IGFBP4: variants seen among roughly 807,000 people sequenced by gnomAD.
IGFBP4 encodes the protein insulin-like growth factor-binding protein 4.
A neutral mutation model predicts 25.8 loss-of-function variants in IGFBP4; 9 were observed. That is an observed-to-expected ratio of 0.35 (90% CI 0.21 to 0.61). The LOEUF is 0.61. Ranked by LOEUF, IGFBP4 falls within the 20% of genes least tolerant of loss-of-function variation. The pLI is 0.77. For missense variants in IGFBP4, 315 were observed against 365.3 expected (o/e 0.86, Z 1.12); for synonymous variants, 153 against 153.9 (o/e 0.99, Z 0.05).
intron 1 of IGFBP4, among the ~76,000 whole-genome samples, chr17:40,452,146 G>A (rs2035687086): frequency 6.6e-6 from 1 of 152,186 alleles, no homozygotes; most frequent in Non-Finnish European, 1.5e-5. Flanking sequence ...TTTGGATGGA[G>A]TTTTTCTTGA....
In IGFBP4 at chr17:40,453,636, C is replaced by G. The variant is rs532349194; in HGVS notation, c.508-292C>G. Among the ~76,000 whole-genome samples the G allele has an allele frequency of 2.0e-5, 3 of 152,240 alleles. No homozygotes were observed. Among genetic ancestry groups the G allele is most frequent in the African/African-American group, 7.2e-5 (3 of 41,548 alleles). The stretch of plus-strand genomic sequence containing the variant: ...CTGTCCCTTCTGCATAGAAATCACC[C>G]CCTCCCTGGCTTTCTGCATAGGTTC... On this transcript the variant is annotated intron_variant, in intron 2 of 3. Transcript: ENST00000269593. The surrounding 1 kb of genome is among the most constrained non-coding windows in gnomAD (Gnocchi z 4.0).
intron 1 of IGFBP4, among the ~76,000 whole-genome samples, chr17:40,450,255 C>T (rs1022510285): frequency 7.2e-5 from 11 of 152,216 alleles, no homozygotes; most frequent in African/African-American, 2.4e-4. Context: ...CTATTTCGGC[C>T]TTCCAAAGTG....
rs995391981 is a variant in IGFBP4, at chr17:40,453,675, C to T, written c.508-253C>T. Among the ~76,000 whole-genome samples the T allele has an allele frequency of 3.9e-5, 6 of 152,058 alleles. No homozygotes were observed. Among genetic ancestry groups the T allele is most frequent in the Admixed American group, 3.9e-4 (6 of 15,264 alleles). On this transcript the variant is annotated intron_variant, in intron 2 of 3. Coordinates refer to ENST00000269593, the MANE Select transcript of IGFBP4 (RefSeq NM_001552.3). This position sits in a 1 kb window ranked among gnomAD's most constrained non-coding sequence, Gnocchi z 4.0. ...CTGCATAGGTTCCCACAGCCCCTTT[C>T]CCCACAGTGTCCCCTCACTTCCCAC...
In IGFBP4 at chr17:40,443,783, C is replaced by T. The variant is rs759404034; in HGVS notation, c.48C>T (p.Pro16=). ...LVAALLLAAG[P]GPSLGDEAIH... ...CCGCCCTGCTGCTGGCCGCCGGGCCCGGGCCGAGCCTGGGCGACGAAGCCA... is the reference window on the plus strand; with the variant it reads ...CCGCCCTGCTGCTGGCCGCCGGGCCTGGGCCGAGCCTGGGCGACGAAGCCA... Residue 16 remains proline, a synonymous_variant, in exon 1 of 4, where the codon CCC becomes CCT. Coordinates refer to ENST00000269593, the MANE Select transcript of IGFBP4 (RefSeq NM_001552.3). 29 of 1,514,802 alleles carry T rather than the reference C, an allele frequency of 1.9e-5. No individual in the cohort carries two copies. In the African/African-American group the frequency reaches 2.6e-4, roughly 14 times the overall value. The allele number at this position is 1,514,802 out of a possible 1,614,324, so 93.8% of individuals were successfully genotyped here. A position where few individuals can be genotyped will look rare whatever the true frequency, so the allele number is the denominator to read the frequency against.
intron 3 of IGFBP4, among the ~76,000 whole-genome samples, chr17:40,454,266 A>G (rs1373738165): frequency 6.6e-6 from 1 of 152,212 alleles, no homozygotes; most frequent in Non-Finnish European, 1.5e-5. Context: ...AGAGAGGAGT[A>G]AAAGCGCCGG....
intron 1 of IGFBP4, among the ~76,000 whole-genome samples, chr17:40,450,081 C>T (rs1404356599): frequency 1.3e-5 from 2 of 152,154 alleles, no homozygotes; most frequent in Admixed American, 6.5e-5. Context: ...GATCACTGCT[C>T]ACTGCAGCCT....
intron 3 of IGFBP4, among the ~76,000 whole-genome samples, chr17:40,455,281 A>G (rs2035707802): frequency 6.6e-6 from 1 of 151,920 alleles, no homozygotes; most frequent in Non-Finnish European, 1.5e-5. Flanking sequence ...AGTGGTTTAT[A>G]TTAGGGTTCA....
chr17:40,444,938 G>GAGAC (rs2035635677), intron 1 of IGFBP4, among the ~76,000 whole-genome samples: 3 of 37,072 alleles, frequency 8.1e-5, no homozygotes, highest in African/African-American at 2.1e-4. Context: ...GAGACAGAGA[G>GAGAC]AGAGAGAGAG....
At position 40,456,391 on chromosome 17, in the gene IGFBP4, T is replaced by C. The variant is rs2035714170; in HGVS notation, c.643-58T>C. ...TGGGCTGGGCTGGGATTGGGGTGGG[T>C]CACTTGGGGTCTCTTTTCCTGCGTC... On this transcript the variant is annotated intron_variant, in intron 3 of 3. Coordinates refer to ENST00000269593, the MANE Select transcript of IGFBP4 (RefSeq NM_001552.3). 13 of 1,600,178 alleles carry C rather than the reference T, an allele frequency of 8.1e-6. No individual in the cohort carries two copies. The South Asian group carries it at 1.4e-4, about 18-fold the overall frequency.
At chr17:40,456,337 T>C in intron 3 of IGFBP4, 112 bp from the exon 4 acceptor site, 1 of 1,113,814 alleles carries the variant, frequency 9.0e-7, no homozygotes, top group South Asian at 1.4e-5. Context: ...AGAGGCCATC[T>C]TGAAGCAGCG....
chr17:40,454,198 C>G, intron 3 of IGFBP4, 136 bp downstream of exon 3: 1 of 1,267,718 alleles, frequency 7.9e-7, no homozygotes, highest in Non-Finnish European at 1.1e-6. Flanking sequence ...TGGAGCCTCC[C>G]TAAACCTACC....
At chr17:40,451,880 A>G (rs1237803229) in intron 1 of IGFBP4, among the ~76,000 whole-genome samples, 1 of 152,156 alleles carries the variant, frequency 6.6e-6, no homozygotes, top group East Asian at 1.9e-4. Context: ...TCTGTCACCC[A>G]GGCTGGAGTG....
In IGFBP4 at chr17:40,456,693, C is replaced by A; in HGVS notation, c.*110C>A. 8.7e-7 allele frequency: 1 copy of A among 1,154,094 alleles called. No homozygotes were observed. Among genetic ancestry groups the A allele is most frequent in the Non-Finnish European group, 1.2e-6 (1 of 819,578 alleles). 71.5% of individuals were successfully genotyped at this position (1,154,094 alleles called of 1,614,324 possible). The stretch of plus-strand genomic sequence containing the variant: ...GTCTGAGTCCTGTCTCTGCCTGCGG[C>A]CCAGAAGTTTCCCTCAAATGCGCGT... On this transcript the variant is annotated 3_prime_UTR_variant, in exon 4 of 4. Transcript: ENST00000269593.
intron 1 of IGFBP4, among the ~76,000 whole-genome samples, chr17:40,446,859 G>A (rs977706688): frequency 1.3e-5 from 2 of 152,142 alleles, no homozygotes; most frequent in African/African-American, 2.4e-5. Flanking sequence ...CATCATAGAA[G>A]TAATCCCTTG....
At chr17:40,444,408 C>A (rs1402020670) in intron 1 of IGFBP4, among the ~76,000 whole-genome samples, 1 of 151,372 alleles carries the variant, frequency 6.6e-6, no homozygotes, top group East Asian at 2.0e-4. Context: ...GTTAAGTCAG[C>A]TGTCTAGGGC....
intron 1 of IGFBP4, among the ~76,000 whole-genome samples, chr17:40,448,294 C>T (rs10305290): frequency 0.017 from 2,577 of 152,350 alleles, 40 homozygotes; most frequent in African/African-American, 0.032. Flanking sequence ...CTCTGGCTTT[C>T]GCCACAAACT....
rs2035699621 is a variant in IGFBP4, at chr17:40,453,806, GC to G, written c.508-119del. The G allele has an allele frequency of 3.0e-6, 2 of 665,468 alleles. No homozygotes were observed. The highest frequency in any genetic ancestry group is 4.9e-6 in the Non-Finnish European group (2 of 407,640). The allele number at this position is 665,468 out of a possible 1,614,324, so 41.2% of individuals were successfully genotyped here. ...CTCTCTCTTCACCTCACTGGGTCCT[GC>G]CCAGCCCCTGGGGCTCAGGCCTCCT... On this transcript the variant is annotated intron_variant, in intron 2 of 3. Transcript: ENST00000269593. The surrounding 1 kb of genome is among the most constrained non-coding windows in gnomAD (Gnocchi z 4.0).
At chr17:40,449,748 C>CA (rs569072173) in intron 1 of IGFBP4, among the ~76,000 whole-genome samples, 1,312 of 95,314 alleles carry the variant, frequency 0.014, 10 homozygotes, top group African/African-American at 0.041. Flanking sequence ...GACTCCGTCT[C>CA]AAAAAAAAAA....
chr17:40,453,253 G>A lies in IGFBP4; in HGVS notation c.507+111G>A, dbSNP rs907250901. The A allele has an allele frequency of 2.2e-5, 18 of 808,978 alleles. No individual in the cohort carries two copies. The East Asian group carries it at 3.0e-4, about 13-fold the overall frequency. The allele number at this position is 808,978 out of a possible 1,614,324, so 50.1% of individuals were successfully genotyped here. On this transcript the variant is annotated intron_variant, in intron 2 of 3. Coordinates refer to ENST00000269593, the MANE Select transcript of IGFBP4 (RefSeq NM_001552.3). The surrounding 1 kb of genome is among the most constrained non-coding windows in gnomAD (Gnocchi z 4.0). The stretch of plus-strand genomic sequence containing the variant: ...ACACCATCACCACCAGATCTGGGGC[G>A]TGTTCATTCAGCACACATTCTAGGG...
Sources: allele counts gnomAD v4.1 joint callset (sites outside exome capture counted in the v4.1 genomes callset), GRCh38; gene constraint gnomAD v4.1.1; non-coding constraint Gnocchi (gnomAD v3.1); transcripts MANE v1.5; gene names NCBI Gene and HGNC (gene_info 2026-07-23, HGNC 2026-07-21).